Variants in ITGA9 observed in about 807,000 individuals in gnomAD.
ITGA9 encodes integrin subunit alpha 9, also known as integrin alpha-9.
ITGA9 carries 56 observed loss-of-function variants against 127.8 expected under a neutral mutation model. The observed-to-expected ratio is 0.44, with a 90% CI of 0.35 to 0.55. The LOEUF is 0.55. ITGA9 is among the 20% of genes least tolerant of loss of function. ITGA9 has a pLI of 0.00. For synonymous variants in ITGA9, 508 were observed against 514.5 expected, an observed-to-expected ratio of 0.99 and a Z score of 0.17; for missense variants, 1,196 against 1,347.1, an observed-to-expected ratio of 0.89 and a Z score of 1.76.
chr3:37,675,638 C>T (rs533800980), intron 17 of ITGA9, among the ~76,000 whole-genome samples: 1 of 152,022 alleles, frequency 6.6e-6, no homozygotes, highest in South Asian at 2.1e-4. Context: ...GAAAGAAAAG[C>T]ACACATATGT....
intron 15 of ITGA9, among the ~76,000 whole-genome samples, chr3:37,611,867 C>G (rs1295811201): frequency 6.6e-6 from 1 of 152,066 alleles, no homozygotes; most frequent in African/African-American, 2.4e-5. Context: ...AGAGAGCCCA[C>G]TCTCTGCGCT....
chr3:37,502,907 G>A (rs538587288), intron 5 of ITGA9, among the ~76,000 whole-genome samples: 3 of 152,316 alleles, frequency 2.0e-5, no homozygotes, highest in African/African-American at 7.2e-5. Context: ...AACGTGTGTG[G>A]TCTCATCGTG....
At position 37,750,514 on chromosome 3, in the gene ITGA9, T is replaced by G. The variant is rs1262261284; in HGVS notation, c.2486T>G (p.Phe829Cys). Residue 829 changes from phenylalanine to cysteine, a missense_variant, in exon 23 of 28, where the codon TTC becomes TGC. By Grantham distance (205) the Phe-to-Cys change is radical. Transcript: ENST00000264741. The part of the protein sequence containing the change: ...TLPGSSVSIS[F>C]PNRLSSGGAE... ...CCAGGGTCATCTGTCAGCATCTCTT[T>G]CCCTAATCGACTCTCATCTGGTGGT... is the stretch of plus-strand genomic sequence containing the variant. 1 of 1,613,758 alleles carries G rather than the reference T, an allele frequency of 6.2e-7. No homozygotes were observed. Among genetic ancestry groups the G allele is most frequent in the East Asian group, 2.2e-5 (1 of 44,888 alleles).
chr3:37,539,740 G>A (rs546609427), intron 14 of ITGA9, among the ~76,000 whole-genome samples: 1 of 152,304 alleles, frequency 6.6e-6, no homozygotes, highest in Non-Finnish European at 1.5e-5. Flanking sequence ...GCCCAGCCAA[G>A]TTGACACATA....
intron 15 of ITGA9, among the ~76,000 whole-genome samples, chr3:37,600,804 C>T (rs1200901929): frequency 6.6e-6 from 1 of 152,106 alleles, no homozygotes; most frequent in Admixed American, 6.5e-5. Flanking sequence ...GCACCCCTTC[C>T]TAGGAGCCCC....
At chr3:37,638,661 AG>A (rs1026254234) in intron 16 of ITGA9, among the ~76,000 whole-genome samples, 1 of 152,196 alleles carries the variant, frequency 6.6e-6, no homozygotes, top group African/African-American at 2.4e-5. Context: ...AGATAACATT[AG>A]GGTTCCACTA....
chr3:37,608,289 A>T (rs1312895568), intron 15 of ITGA9, among the ~76,000 whole-genome samples: 1 of 152,250 alleles, frequency 6.6e-6, no homozygotes, highest in Non-Finnish European at 1.5e-5. Flanking sequence ...CCCACTTAAA[A>T]GGTTAAGATC....
At chr3:37,642,154 C>T (rs1220050771) in intron 16 of ITGA9, among the ~76,000 whole-genome samples, 1 of 152,108 alleles carries the variant, frequency 6.6e-6, no homozygotes, top group Non-Finnish European at 1.5e-5. Context: ...CCATGTTGCC[C>T]AGGCTGGTCT....
chr3:37,712,801 A>G (rs1357337369), intron 18 of ITGA9, among the ~76,000 whole-genome samples: 1 of 152,196 alleles, frequency 6.6e-6, no homozygotes, highest in African/African-American at 2.4e-5. Flanking sequence ...CCTGGGTCGC[A>G]TGCCCACCTC....
Position 37,792,872 on chromosome 3 carries a change from G to A in ITGA9, c.2889+7794G>A, listed in dbSNP as rs181899247. ...CTATGTCAGTGAAGGTGCGGTGACC[G>A]GTGCCACTCACACGTAAGGAATGCT... On this transcript the variant is annotated intron_variant, in intron 26 of 27. Coordinates refer to ENST00000264741, the MANE Select transcript of ITGA9 (RefSeq NM_002207.3). 1.6e-4 allele frequency among the ~76,000 whole-genome samples: 24 copies of A among 152,244 alleles called. No individual in the cohort carries two copies. The East Asian group carries it at 2.7e-3, about 17-fold the overall frequency.
intron 1 of ITGA9, among the ~76,000 whole-genome samples, chr3:37,458,993 C>G (rs1050282137): frequency 6.6e-6 from 1 of 152,294 alleles, no homozygotes; most frequent in Non-Finnish European, 1.5e-5. Context: ...CCCAACCTTC[C>G]TTTTTGCCAG....
At chr3:37,518,486 G>C (rs1699010183) in intron 10 of ITGA9, among the ~76,000 whole-genome samples, 1 of 152,170 alleles carries the variant, frequency 6.6e-6, no homozygotes, top group Non-Finnish European at 1.5e-5. Context: ...TGAGAGTAAT[G>C]TTATTTCTTG....
At chr3:37,488,296 A>G (rs114567765) in intron 4 of ITGA9, among the ~76,000 whole-genome samples, 279 of 152,132 alleles carry the variant, frequency 1.8e-3, no homozygotes, top group African/African-American at 6.5e-3. Flanking sequence ...GTTCTCACTG[A>G]AATGTGACTG....
At chr3:37,609,185 C>A (rs999950076) in intron 15 of ITGA9, among the ~76,000 whole-genome samples, 1 of 152,130 alleles carries the variant, frequency 6.6e-6, no homozygotes, top group Non-Finnish European at 1.5e-5. Flanking sequence ...TCCTCACATA[C>A]CCCACTCTCA....
chr3:37,563,708 T>C (rs2125601149), intron 15 of ITGA9, among the ~76,000 whole-genome samples: 1 of 152,328 alleles, frequency 6.6e-6, no homozygotes, highest in South Asian at 2.1e-4. Flanking sequence ...CCCTCAGATG[T>C]TGGGTTGGTC....
At chr3:37,593,842 ATGCCTGC>A (rs1286006558) in intron 15 of ITGA9, among the ~76,000 whole-genome samples, 3 of 152,166 alleles carry the variant, frequency 2.0e-5, no homozygotes, top group African/African-American at 7.2e-5. Flanking sequence ...GGTGAGAAGG[ATGCCTGC>A]TGTCCTCGTG....
chr3:37,467,872 T>G (rs930786428), intron 1 of ITGA9, among the ~76,000 whole-genome samples: 1 of 152,180 alleles, frequency 6.6e-6, no homozygotes, highest in African/African-American at 2.4e-5. Context: ...TTCTCACCTG[T>G]GAAAACAGCT....
At position 37,594,622 on chromosome 3, in the gene ITGA9, C is replaced by T. The variant is rs76138904; in HGVS notation, c.1690-34565C>T. ...TTGAATCTGAACTCTTAGGCAGGTC[C>T]CTGAACTGCTCAGCCCTCAGTTTCC... On this transcript the variant is annotated intron_variant, in intron 15 of 27. Coordinates refer to ENST00000264741, the MANE Select transcript of ITGA9 (RefSeq NM_002207.3). Among the ~76,000 whole-genome samples the T allele has an allele frequency of 4.6e-4, 70 of 152,168 alleles. No individual in the cohort carries two copies. The East Asian group carries it at 0.011, about 24-fold the overall frequency.
chr3:37,726,519 A>G (rs1696205142), intron 18 of ITGA9, among the ~76,000 whole-genome samples: 2 of 152,350 alleles, frequency 1.3e-5, no homozygotes, highest in African/African-American at 2.4e-5. Context: ...CCCGAAGGCC[A>G]AAGAGGCTCA....
Sources: gnomAD v4.1 joint callset for allele counts (sites outside exome capture counted in the v4.1 genomes callset) on GRCh38, gnomAD v4.1.1 for gene constraint, MANE v1.5 for transcripts, NCBI Gene and HGNC (gene_info 2026-07-23, HGNC 2026-07-21) for gene names.